Variants in ABCA1 observed in about 807,000 individuals in gnomAD.
ABCA1 encodes the protein phospholipid-transporting ATPase ABCA1.
Under a neutral mutation model 262.5 loss-of-function variants are expected in ABCA1, and 133 were observed. The ratio of observed to expected loss-of-function variants is 0.51; its 90% CI spans 0.44 to 0.59. The LOEUF (loss-of-function observed/expected upper bound fraction) is 0.59, where lower values mean the gene tolerates loss of function less well. ABCA1 is among the 20% of genes least tolerant of loss of function. ABCA1 has a pLI of 0.00. For synonymous variants in ABCA1, 1,022 were observed against 1,043.5 expected (o/e 0.98, Z 0.40); for missense variants, 2,452 against 2,777.5 (o/e 0.88, Z 2.63).
At chr9:104,876,078 A>G (rs1329967210) in intron 5 of ABCA1, among the ~76,000 whole-genome samples, 1 of 152,198 alleles carries the variant, frequency 6.6e-6, no homozygotes, top group Non-Finnish European at 1.5e-5. Context: ...AGTTCCATGT[A>G]CAGTAGAGAG....
chr9:104,862,020 C>T (rs1836445337), intron 5 of ABCA1, among the ~76,000 whole-genome samples: 1 of 151,340 alleles, frequency 6.6e-6, no homozygotes, highest in African/African-American at 2.4e-5. Context: ...AGCATGTGCT[C>T]CTCAACTCAA....
At chr9:104,805,506 C>T (rs1047152623) in intron 31 of ABCA1, among the ~76,000 whole-genome samples, 1 of 152,158 alleles carries the variant, frequency 6.6e-6, no homozygotes, top group Non-Finnish European at 1.5e-5. Context: ...CACTCCTCTT[C>T]CTGAAATTCT....
Position 104,821,358 on chromosome 9 carries a change from G to A in ABCA1, c.2960+17C>T, listed in dbSNP as rs372475626. 10 of 1,613,508 alleles carry A rather than the reference G, an allele frequency of 6.2e-6. No individual in the cohort carries two copies. The highest frequency in any genetic ancestry group is 2.2e-5 in the East Asian group (1 of 44,882). On this transcript the variant is annotated intron_variant, in intron 20 of 49. Coordinates refer to ENST00000374736, the MANE Select transcript of ABCA1 (RefSeq NM_005502.4). ...CATCCAGAAAAGGCCTATTCTTAAC[G>A]TGCTGCTGGTACTCACATGTCAAAC...
At chr9:104,803,181 AAGTGTGTG>A (rs1830486361) in intron 33 of ABCA1, 95 bp downstream of exon 33, 1 of 1,325,404 alleles carries the variant, frequency 7.5e-7, no homozygotes, top group Admixed American at 1.7e-5. Flanking sequence ...TGGCACCCAC[AAGTGTGTG>A]AGTGACAAAC....
intron 36 of ABCA1, 94 bp downstream of exon 36, chr9:104,799,724 AG>A: frequency 6.2e-7 from 1 of 1,611,704 alleles, no homozygotes; most frequent in Non-Finnish European, 8.5e-7. Flanking sequence ...CGGTCTCTGC[AG>A]CTGTTCCCCT....
At chr9:104,860,053 CAAAA>C (rs200596186) in intron 6 of ABCA1, among the ~76,000 whole-genome samples, 2 of 62,698 alleles carry the variant, frequency 3.2e-5, no homozygotes. Context: ...GACTCCAACT[CAAAA>C]AAAAAAAAAA....
At position 104,821,460 on chromosome 9, in the gene ABCA1, T is replaced by G; in HGVS notation, c.2875A>C (p.Ile959Leu). 1.2e-6 allele frequency: 2 copies of G among 1,614,102 alleles called. No individual in the cohort carries two copies. The highest frequency in any genetic ancestry group is 1.7e-6 in the Non-Finnish European group (2 of 1,180,026). ...LFPPTSGTAY[I>L]LGKDIRSEMS... Reference sequence around the variant, plus strand: ...TCAGAGCGAATGTCTTTTCCCAGGATGTAGGCGGTGCCCGAGGTCGGGGGG... The same window carrying G: ...TCAGAGCGAATGTCTTTTCCCAGGAGGTAGGCGGTGCCCGAGGTCGGGGGG... The change falls in exon 20 of 50, where the codon ATC becomes CTC. Residue 959 changes from isoleucine (I) to leucine (L), a missense_variant. By Grantham distance (5) the Ile-to-Leu change is conservative (BLOSUM62 2). This residue lies in a region of ABCA1 where 665 missense variants were observed against 727.3 expected (regional missense o/e 0.91). Coordinates refer to ENST00000374736, the MANE Select transcript of ABCA1 (RefSeq NM_005502.4).
At chr9:104,881,231 A>G (rs966162753) in intron 5 of ABCA1, among the ~76,000 whole-genome samples, 3 of 152,210 alleles carry the variant, frequency 2.0e-5, no homozygotes, top group African/African-American at 7.2e-5. Context: ...TCTGCTTGAC[A>G]ACTTACCCCC....
chr9:104,804,785 C>A, intron 31 of ABCA1, 65 bp from the exon 32 acceptor site: 1 of 1,377,666 alleles, frequency 7.3e-7, no homozygotes, highest in South Asian at 1.2e-5. Flanking sequence ...GAAAACAAAT[C>A]AAGGACAACA....
At position 104,822,474 on chromosome 9, in the gene ABCA1, G is replaced by A. The variant is rs372455979; in HGVS notation, c.2828+22C>T. 71 of 1,612,510 alleles carry A rather than the reference G, an allele frequency of 4.4e-5. No homozygotes were observed. The Middle Eastern group carries it at 1.0e-3, about 23-fold the overall frequency. On this transcript the variant is annotated intron_variant, in intron 19 of 49. Coordinates refer to ENST00000374736, the MANE Select transcript of ABCA1 (RefSeq NM_005502.4). ...AGAACCCTCCTGTGGCTGATTCTGC[G>A]GGAACCACACCCTCTTCTTACATGG...
In ABCA1 at chr9:104,792,891, C is replaced by T; in HGVS notation, c.5652G>A (p.Lys1884=). ...CATCTTCATCATTCAGAGGAGATAGCTTTGCATTTACAGGTCTTGGGGGAA... is the reference window on the plus strand; with the variant it reads ...CATCTTCATCATTCAGAGGAGATAGTTTTGCATTTACAGGTCTTGGGGGAA... ...FFIRPRPVNA[K]LSPLNDEDED... The change falls in exon 42 of 50, where the codon AAG becomes AAA. Residue 1884 remains lysine (K), a synonymous_variant. Coordinates refer to ENST00000374736, the MANE Select transcript of ABCA1 (RefSeq NM_005502.4). 1 of 1,614,106 alleles carries T rather than the reference C, an allele frequency of 6.2e-7. No homozygotes were observed. The highest frequency in any genetic ancestry group is 8.5e-7 in the Non-Finnish European group (1 of 1,180,018).
chr9:104,808,251 C>T (rs897548703), intron 30 of ABCA1, among the ~76,000 whole-genome samples: 3 of 152,206 alleles, frequency 2.0e-5, no homozygotes, highest in Admixed American at 6.5e-5. Flanking sequence ...GATGTCAGGG[C>T]CGGGCCTCTT....
intron 47 of ABCA1, among the ~76,000 whole-genome samples, 199 bp from the exon 48 acceptor site, chr9:104,786,589 G>A (rs902767221): frequency 1.3e-5 from 2 of 152,174 alleles, no homozygotes; most frequent in African/African-American, 4.8e-5. Flanking sequence ...GTCTACAAAA[G>A]GGGGAATAGT....
intron 6 of ABCA1, among the ~76,000 whole-genome samples, chr9:104,860,700 T>C (rs1482331215): frequency 1.3e-5 from 2 of 151,988 alleles, no homozygotes; most frequent in African/African-American, 2.4e-5. Context: ...TTTCTATGAT[T>C]CTAAAGTTAA....
intron 33 of ABCA1, among the ~76,000 whole-genome samples, chr9:104,802,363 G>C (rs1012687847): frequency 6.6e-6 from 1 of 152,200 alleles, no homozygotes; most frequent in Non-Finnish European, 1.5e-5. Flanking sequence ...GCCCAGCAGG[G>C]AGGACCTGGC....
chr9:104,822,762 C>G, intron 18 of ABCA1, 95 bp from the exon 19 acceptor site: 2 of 1,438,074 alleles, frequency 1.4e-6, no homozygotes, highest in Non-Finnish European at 9.7e-7. Flanking sequence ...TTCAGAAGTG[C>G]CTTCTCTCCA....
rs1832867727 is a variant in ABCA1 at position 104,827,031 on chromosome 9, T to C, written c.2254A>G (p.Ile752Val). The change falls in exon 16 of 50, where the codon ATC becomes GTC. Residue 752 changes from isoleucine (I) to valine (V), a missense_variant. Physicochemically the swap from Ile to Val is conservative, Grantham distance 29. Transcript: ENST00000374736. ...RANLAAACGGIIYFTLYLPYV... is the reference protein window; with the variant it reads ...RANLAAACGGVIYFTLYLPYV... Reference sequence around the variant, plus strand: ...GGCAGGTACAGCGTGAAGTAGATGATGCCCCCACAGGCTGCTGCCAGGTTG... The same window carrying C: ...GGCAGGTACAGCGTGAAGTAGATGACGCCCCCACAGGCTGCTGCCAGGTTG... 2.5e-6 allele frequency: 4 copies of C among 1,614,212 alleles called. No homozygotes were observed. The highest frequency in any genetic ancestry group is 2.5e-6 in the Non-Finnish European group (3 of 1,180,032).
intron 1 of ABCA1, among the ~76,000 whole-genome samples, chr9:104,911,320 A>G (rs977209185): frequency 6.6e-6 from 1 of 152,190 alleles, no homozygotes; most frequent in African/African-American, 2.4e-5. Context: ...TCTAAGCCCA[A>G]CAGAACATGC....
At chr9:104,883,185 G>A (rs1588498359) in intron 4 of ABCA1, 28 bp from the exon 5 acceptor site, 2 of 1,588,900 alleles carry the variant, frequency 1.3e-6, no homozygotes, top group Middle Eastern at 1.9e-4. Flanking sequence ...AAAGGCGAAA[G>A]GCTTTAGCTA....
Sources: gnomAD v4.1 joint callset for allele counts (sites outside exome capture counted in the v4.1 genomes callset) on GRCh38, gnomAD v4.1.1 for gene constraint, gnomAD v4.1.1 regional missense constraint, MANE v1.5 for transcripts, NCBI Gene and HGNC (gene_info 2026-07-23, HGNC 2026-07-21) for gene names.